Variants in AOPEP observed in about 807,000 individuals in gnomAD.
The protein encoded by AOPEP is aminopeptidase O (putative), also known as aminopeptidase O.
Under a neutral mutation model 98.1 loss-of-function variants are expected in AOPEP, and 77 were observed. The observed-to-expected ratio is 0.78, with a 90% CI of 0.65 to 0.95. AOPEP has a LOEUF of 0.95. AOPEP is among the 40% of genes least tolerant of loss of function. AOPEP has a pLI of 0.00. For synonymous variants in AOPEP, 346 were observed against 365.3 expected (o/e 0.95, Z 0.60); for missense variants, 1,024 against 1,024.7 (o/e 1.00, Z 0.01).
chr9:94,837,988 A>C (rs185053391), intron 5 of AOPEP, among the ~76,000 whole-genome samples: 1 of 152,292 alleles, frequency 6.6e-6, no homozygotes, highest in African/African-American at 2.4e-5. Flanking sequence ...TTTGCTGATG[A>C]CATGATTGTA....
At chr9:94,944,698 A>ATT (rs1159779141) in intron 7 of AOPEP, among the ~76,000 whole-genome samples, 1 of 152,122 alleles carries the variant, frequency 6.6e-6, no homozygotes, top group Non-Finnish European at 1.5e-5. Context: ...CCAAAGTAAG[A>ATT]AGTAGATTAA....
At chr9:95,107,446 A>G in the AOPEP span, 1 of 687,138 alleles carries the variant, frequency 1.5e-6, no homozygotes, top group South Asian at 1.7e-5. Context: ...AAATGGGCGG[A>G]ATGGAAATTT....
At chr9:94,981,826 A>G (rs2060205333) in intron 11 of AOPEP, among the ~76,000 whole-genome samples, 1 of 152,242 alleles carries the variant, frequency 6.6e-6, no homozygotes, top group African/African-American at 2.4e-5. Context: ...AATTGAAGTC[A>G]TTCATGACAA....
intron 14 of AOPEP, among the ~76,000 whole-genome samples, chr9:95,074,232 C>CT (rs2068813176): frequency 1.3e-5 from 2 of 152,210 alleles, no homozygotes; most frequent in Non-Finnish European, 2.9e-5. Context: ...CTGTGGCAGT[C>CT]TGTCAGTGGG....
intron 10 of AOPEP, among the ~76,000 whole-genome samples, chr9:94,970,401 C>T (rs1256659119): frequency 1.3e-5 from 2 of 149,326 alleles, no homozygotes; most frequent in Admixed American, 6.6e-5. Flanking sequence ...AACAGTAGAT[C>T]TTACTTCACT....
the AOPEP span, among the ~76,000 whole-genome samples, chr9:95,144,555 T>A: frequency 6.6e-6 from 1 of 152,168 alleles, no homozygotes; most frequent in Non-Finnish European, 1.5e-5. Context: ...TTTTGGGGTT[T>A]CACAGAAGAC....
At chr9:95,110,636 CT>C in the AOPEP span, 5 of 1,043,660 alleles carry the variant, frequency 4.8e-6, no homozygotes, top group East Asian at 2.9e-4. Context: ...ACGCAGACAT[CT>C]TTATTAGTCT....
At chr9:94,829,422 T>G (rs1855441609) in intron 5 of AOPEP, among the ~76,000 whole-genome samples, 1 of 152,182 alleles carries the variant, frequency 6.6e-6, no homozygotes, top group South Asian at 2.1e-4. Context: ...GTTGTGGAAG[T>G]CATTCTTCCA....
chr9:94,790,448 C>T (rs984263477), intron 3 of AOPEP, among the ~76,000 whole-genome samples: 1 of 152,106 alleles, frequency 6.6e-6, no homozygotes, highest in African/African-American at 2.4e-5. Flanking sequence ...ATTACAGCCA[C>T]CACTCCCGGC....
the AOPEP span, among the ~76,000 whole-genome samples, chr9:95,146,029 C>T: frequency 6.6e-6 from 1 of 151,742 alleles, no homozygotes; most frequent in Non-Finnish European, 1.5e-5. Flanking sequence ...CTAAGACAAT[C>T]AGGATAATTT....
Position 94,759,896 on chromosome 9 carries a change from T to G in AOPEP, c.113T>G (p.Val38Gly). Reference sequence around the variant, plus strand: ...TTGGATGTGGATTTTGAAAGTCAAGTCATTGAGGGGACCATAGTGCTTTTC... The same window carrying G: ...TTGGATGTGGATTTTGAAAGTCAAGGCATTGAGGGGACCATAGTGCTTTTC... ...LDLDVDFESQ[V>G]IEGTIVLFLE... The change falls in exon 2 of 17, where the codon GTC becomes GGC. Residue 38 changes from valine (V) to glycine (G), a missense_variant. Physicochemically the swap from Val to Gly is moderately radical, Grantham distance 109. Coordinates refer to ENST00000375315, the MANE Select transcript of AOPEP (RefSeq NM_001193329.3). The G allele has an allele frequency of 6.2e-7, 1 of 1,614,112 alleles. No homozygotes were observed. Among genetic ancestry groups the G allele is most frequent in the Non-Finnish European group, 8.5e-7 (1 of 1,180,014 alleles).
At chr9:94,760,960 C>G (rs934595710) in intron 2 of AOPEP, among the ~76,000 whole-genome samples, 2 of 152,296 alleles carry the variant, frequency 1.3e-5, no homozygotes, top group Non-Finnish European at 2.9e-5. Context: ...TTCATAGTCC[C>G]TTGAGAGACC....
chr9:95,007,844 G>A (rs1345738687), intron 13 of AOPEP, among the ~76,000 whole-genome samples: 1 of 152,208 alleles, frequency 6.6e-6, no homozygotes, highest in Admixed American at 6.5e-5. Context: ...ATTGAGCTTT[G>A]TGATCATGTG....
At chr9:94,733,556 A>G (rs1470239892) in intron 1 of AOPEP, among the ~76,000 whole-genome samples, 1 of 152,074 alleles carries the variant, frequency 6.6e-6, no homozygotes, top group Admixed American at 6.5e-5. Flanking sequence ...GTAGTTCTGT[A>G]TTTGTTCTCT....
At chr9:95,010,445 A>AGG in intron 13 of AOPEP, among the ~76,000 whole-genome samples, 1 of 152,318 alleles carries the variant, frequency 6.6e-6, no homozygotes, top group South Asian at 2.1e-4. Context: ...TGCTGAGCTG[A>AGG]GGGTCCCTTC....
the AOPEP span, among the ~76,000 whole-genome samples, chr9:95,127,948 TTTAAA>T: frequency 6.6e-6 from 1 of 152,274 alleles, no homozygotes; most frequent in African/African-American, 2.4e-5. Context: ...TGTCCTACTC[TTTAAA>T]TAATCTATGC....
intron 5 of AOPEP, chr9:94,904,279 C>T (rs555054935): frequency 1.3e-5 from 2 of 152,328 alleles, no homozygotes; most frequent in African/African-American, 2.4e-5. Context: ...TGCACAGTGG[C>T]TGTGGTTTTC....
intron 9 of AOPEP, among the ~76,000 whole-genome samples, chr9:94,964,349 C>T (rs948876197): frequency 6.6e-6 from 1 of 152,146 alleles, no homozygotes; most frequent in Non-Finnish European, 1.5e-5. Context: ...TCCGGGGCCT[C>T]CTGCGCTTAC....
chr9:94,779,871 G>A (rs1025664989), intron 3 of AOPEP, among the ~76,000 whole-genome samples: 3 of 152,084 alleles, frequency 2.0e-5, no homozygotes, highest in Non-Finnish European at 2.9e-5. Flanking sequence ...TGTTTACACA[G>A]CATGCTGTGA....
Sources: allele counts gnomAD v4.1 joint callset (sites outside exome capture counted in the v4.1 genomes callset), GRCh38; gene constraint gnomAD v4.1.1; transcripts MANE v1.5; gene names NCBI Gene and HGNC (gene_info 2026-07-23, HGNC 2026-07-21).